Variants in NAA11 observed in about 807,000 individuals in gnomAD.
The protein encoded by NAA11 is N-alpha-acetyltransferase 11.
NAA11 carries 15 observed loss-of-function variants against 16.1 expected under a neutral mutation model. The ratio of observed to expected loss-of-function variants is 0.93; its 90% CI spans 0.62 to 1.44. The LOEUF (loss-of-function observed/expected upper bound fraction) is 1.44, where lower values mean the gene tolerates loss of function less well. Among genes scored for constraint, NAA11 ranks in the 40% most tolerant of loss-of-function variants. The pLI is 0.00. For missense variants in NAA11, 298 were observed against 291.3 expected (o/e 1.02, Z -0.17); for synonymous variants, 122 against 112.4 (o/e 1.09, Z -0.54).
the NAA11 span, among the ~76,000 whole-genome samples, chr4:79,162,541 G>A: frequency 6.6e-6 from 1 of 152,198 alleles, no homozygotes; most frequent in African/African-American, 2.4e-5. Context: ...CAGAAGAATT[G>A]TAAATGGTCT....
chr4:79,247,591 A>G lies in NAA11; in HGVS notation c.*123-21321T>C, dbSNP rs1298505355. Reference sequence around the variant, plus strand: ...AATACAGCCAGGAGGAACATCTGCCACCAAGTGACCAGAACATCAGTAAGA... The same window carrying G: ...AATACAGCCAGGAGGAACATCTGCCGCCAAGTGACCAGAACATCAGTAAGA... On this transcript the variant is annotated intron_variant and NMD_transcript_variant, in intron 2 of 2. Coordinates refer to the NAA11 transcript ENST00000511542. 3.3e-5 allele frequency among the ~76,000 whole-genome samples: 5 copies of G among 152,258 alleles called. No homozygotes were observed. The East Asian group carries it at 7.7e-4, about 24-fold the overall frequency.
the NAA11 span, among the ~76,000 whole-genome samples, chr4:79,198,337 A>C: frequency 6.6e-6 from 1 of 151,938 alleles, no homozygotes; most frequent in African/African-American, 2.4e-5. Context: ...GATGATTTTT[A>C]ATGCAAAATT....
intron 2 of NAA11, among the ~76,000 whole-genome samples, chr4:79,266,739 G>A (rs992961367): frequency 6.6e-6 from 1 of 152,110 alleles, no homozygotes; most frequent in South Asian, 2.1e-4. Flanking sequence ...CCCATTTTGG[G>A]GGGTAAGTGA....
At chr4:79,263,230 A>G (rs1722276634) in intron 2 of NAA11, among the ~76,000 whole-genome samples, 1 of 152,194 alleles carries the variant, frequency 6.6e-6, no homozygotes, top group East Asian at 1.9e-4. Context: ...AGGAAGTACA[A>G]GATATGGATG....
At chr4:79,172,363 A>G in the NAA11 span, among the ~76,000 whole-genome samples, 1 of 152,100 alleles carries the variant, frequency 6.6e-6, no homozygotes, top group East Asian at 1.9e-4. Context: ...AAGACCCCCA[A>G]TTGTATTGTG....
chr4:79,312,863 T>A (rs1723819411), downstream of NAA11, among the ~76,000 whole-genome samples: 1 of 152,092 alleles, frequency 6.6e-6, no homozygotes, highest in Non-Finnish European at 1.5e-5. Flanking sequence ...ATTCCTTTAT[T>A]CAAAACCATG....
the NAA11 span, among the ~76,000 whole-genome samples, chr4:79,177,255 A>G: frequency 6.6e-6 from 1 of 151,852 alleles, no homozygotes. Flanking sequence ...TTATCTTTTT[A>G]GTTGAATTTT....
intron 1 of NAA11, among the ~76,000 whole-genome samples, chr4:79,319,707 C>T (rs752969534): frequency 1.3e-5 from 2 of 152,112 alleles, no homozygotes; most frequent in African/African-American, 2.4e-5. Flanking sequence ...TATTTCAAAA[C>T]AATATTTTAT....
At chr4:79,163,967 AC>A in the NAA11 span, among the ~76,000 whole-genome samples, 1 of 152,060 alleles carries the variant, frequency 6.6e-6, no homozygotes, top group African/African-American at 2.4e-5. Flanking sequence ...TGGTTCCTGA[AC>A]ACCAGTAATA....
chr4:79,281,473 G>A (rs1722784618), intron 2 of NAA11, among the ~76,000 whole-genome samples: 1 of 151,736 alleles, frequency 6.6e-6, no homozygotes, highest in South Asian at 2.1e-4. Context: ...CATTTATTGA[G>A]TACCCACCAA....
intron 2 of NAA11, among the ~76,000 whole-genome samples, chr4:79,262,084 A>G (rs1722254526): frequency 6.6e-6 from 1 of 152,178 alleles, no homozygotes; most frequent in South Asian, 2.1e-4. Flanking sequence ...GTGGGAATAA[A>G]GTGGTCAATG....
downstream of NAA11, among the ~76,000 whole-genome samples, chr4:79,315,229 A>C (rs6846671): frequency 0.42 from 63,648 of 151,900 alleles, 14,624 homozygotes; most frequent in East Asian, 0.78. Flanking sequence ...TAACATAATA[A>C]CCAAATGACT....
At chr4:79,180,941 G>A in the NAA11 span, among the ~76,000 whole-genome samples, 1 of 152,086 alleles carries the variant, frequency 6.6e-6, no homozygotes, top group Non-Finnish European at 1.5e-5. Context: ...TGACATGGAT[G>A]GAGCTGGAAA....
At chr4:79,208,939 A>AAAAAAC in the NAA11 span, among the ~76,000 whole-genome samples, 2 of 148,838 alleles carry the variant, frequency 1.3e-5, no homozygotes, top group Admixed American at 6.7e-5. Flanking sequence ...AAAAAAAAAA[A>AAAAAAC]AAAAAAAACC....
chr4:79,222,298 C>A (rs574537805), downstream of NAA11, among the ~76,000 whole-genome samples: 488 of 152,154 alleles, frequency 3.2e-3, 1 homozygote, highest in African/African-American at 0.011. Context: ...AGCGGTCTAT[C>A]AATTTTGTTG....
chr4:79,272,684 A>G (rs747979936), intron 2 of NAA11, among the ~76,000 whole-genome samples: 4 of 152,060 alleles, frequency 2.6e-5, no homozygotes, highest in Admixed American at 6.6e-5. Flanking sequence ...GAGTAATGCT[A>G]AGAAATTAAC....
rs1425876837 is a variant in NAA11 at position 79,269,759 on chromosome 4, G to T, written c.*122+24246C>A. On this transcript the variant is annotated intron_variant and NMD_transcript_variant, in intron 2 of 2. Coordinates refer to the NAA11 transcript ENST00000511542. The stretch of plus-strand genomic sequence containing the variant: ...TTGTTGCCATTGCTTTTGGTGTTTT[G>T]GACATGAAGTCCTTGCCCATGCCTA... Among the ~76,000 whole-genome samples, 3 of 136,448 alleles carry T rather than the reference G, an allele frequency of 2.2e-5. No individual in the cohort carries two copies. In the Admixed American group the frequency reaches 2.2e-4, roughly 10 times the overall value. 89.5% of individuals were successfully genotyped at this position (136,448 alleles called of 152,430 possible). A position where few individuals can be genotyped will look rare whatever the true frequency, so the allele number is the denominator to read the frequency against.
chr4:79,203,308 A>G, the NAA11 span, among the ~76,000 whole-genome samples: 1 of 151,814 alleles, frequency 6.6e-6, no homozygotes, highest in Admixed American at 6.6e-5. Flanking sequence ...ATCTTGCAAC[A>G]CATACTTGCA....
chr4:79,257,685 C>T (rs928944122), intron 2 of NAA11, among the ~76,000 whole-genome samples: 1 of 151,940 alleles, frequency 6.6e-6, no homozygotes, highest in African/African-American at 2.4e-5. Flanking sequence ...TTTCTAATTT[C>T]TTCTTGAGTT....
Sources: gnomAD v4.1 joint callset for allele counts (sites outside exome capture counted in the v4.1 genomes callset) on GRCh38, gnomAD v4.1.1 for gene constraint, MANE v1.5 for transcripts, NCBI Gene and HGNC (gene_info 2026-07-23, HGNC 2026-07-21) for gene names.